The following FRMD6 variants were observed in gnomAD, a reference collection of about 807,000 sequenced individuals.
FRMD6 encodes the protein FERM domain-containing protein 6.
A neutral mutation model predicts 73.2 loss-of-function variants in FRMD6; 37 were observed. The observed-to-expected ratio is 0.51, with a 90% CI of 0.39 to 0.66. FRMD6 has a LOEUF of 0.66. Among genes scored for constraint, FRMD6 ranks in the 30% least tolerant of loss-of-function variants. The pLI is 0.00. For synonymous variants in FRMD6, 273 were observed against 282.2 expected, an observed-to-expected ratio of 0.97 and a Z score of 0.33; for missense variants, 714 against 780.5, an observed-to-expected ratio of 0.91 and a Z score of 1.02.
At chr14:51,596,099 A>G (rs1159738586) in intron 2 of FRMD6, among the ~76,000 whole-genome samples, 1 of 152,212 alleles carries the variant, frequency 6.6e-6, no homozygotes, top group Admixed American at 6.5e-5. Context: ...TTTTTGATTA[A>G]AAAGCAGCAA....
intron 13 of FRMD6, among the ~76,000 whole-genome samples, chr14:51,726,667 G>A (rs1897973184): frequency 1.3e-5 from 2 of 152,116 alleles, no homozygotes; most frequent in African/African-American, 4.8e-5. Context: ...AGATGTTTCT[G>A]GGGCACAGCT....
At chr14:51,634,608 A>G (rs1391890010) in intron 2 of FRMD6, among the ~76,000 whole-genome samples, 1 of 152,216 alleles carries the variant, frequency 6.6e-6, no homozygotes, top group Non-Finnish European at 1.5e-5. Flanking sequence ...GTCTATAAAA[A>G]AGGAAAAAAA....
At chr14:51,458,867 A>G in the FRMD6 span, among the ~76,000 whole-genome samples, 4 of 152,314 alleles carry the variant, frequency 2.6e-5, no homozygotes, top group East Asian at 5.8e-4. Flanking sequence ...GAAGGAGGGT[A>G]CTTACTAAAA....
the FRMD6 span, among the ~76,000 whole-genome samples, chr14:51,437,144 C>A: frequency 6.6e-6 from 1 of 152,106 alleles, no homozygotes; most frequent in Non-Finnish European, 1.5e-5. Context: ...CGGGCCCCCA[C>A]CCCCCGACAG....
chr14:51,417,136 C>T, the FRMD6 span, among the ~76,000 whole-genome samples: 1 of 152,132 alleles, frequency 6.6e-6, no homozygotes, highest in South Asian at 2.1e-4. Flanking sequence ...TTAATTGAGG[C>T]ATTTAGCCCA....
chr14:51,436,398 A>G, the FRMD6 span: 1 of 459,090 alleles, frequency 2.2e-6, no homozygotes, highest in Non-Finnish European at 4.2e-6. Context: ...TTACTTGACC[A>G]GAGTCGAAGT....
rs1430431995 is a variant in FRMD6, at chr14:51,721,971, C to A, written c.1383C>A (p.Asp461Glu). Residue 461 changes from aspartate to glutamate, a missense_variant, in exon 12 of 14, where the codon GAC becomes GAA. Transcript: ENST00000344768. ...CAGAAATAGAGATGTTGGTTGATGA[C>A]CCCCGGGATCTGGAGCAGATGAATG... is the stretch of plus-strand genomic sequence containing the variant. ...QDDEIEMLVD[D>E]PRDLEQMNEE... 1.9e-6 allele frequency: 3 copies of A among 1,613,842 alleles called. No homozygotes were observed. In the Admixed American group the frequency reaches 5.0e-5, roughly 27 times the overall value.
chr14:51,410,563 T>A, the FRMD6 span, among the ~76,000 whole-genome samples: 1 of 152,212 alleles, frequency 6.6e-6, no homozygotes, highest in African/African-American at 2.4e-5. Flanking sequence ...TGTCCCTTAA[T>A]AAAAATAGCT....
At chr14:51,661,217 C>G (rs776445111) in intron 1 of FRMD6, among the ~76,000 whole-genome samples, 1 of 152,124 alleles carries the variant, frequency 6.6e-6, no homozygotes, top group Non-Finnish European at 1.5e-5. Context: ...GGTGAGATCA[C>G]TTGGGGAATA....
intron 1 of FRMD6, among the ~76,000 whole-genome samples, chr14:51,654,877 G>A (rs1411458746): frequency 6.6e-6 from 1 of 151,866 alleles, no homozygotes; most frequent in Non-Finnish European, 1.5e-5. Flanking sequence ...GTACATTTTT[G>A]CATTTTTCTG....
chr14:51,719,767 A>C (rs547180450), intron 10 of FRMD6, among the ~76,000 whole-genome samples: 1 of 152,296 alleles, frequency 6.6e-6, no homozygotes, highest in South Asian at 2.1e-4. Context: ...TGGACCAATA[A>C]ATTTGCAGAC....
chr14:51,702,548 T>G lies in FRMD6; in HGVS notation c.331T>G (p.Phe111Val). The change falls in exon 5 of 14, where the codon TTC (phenylalanine) becomes GTC (valine). Residue 111 changes from phenylalanine to valine, a missense_variant. Physicochemically the swap from Phe to Val is conservative, Grantham distance 50 (BLOSUM62 -1). Transcript: ENST00000344768. Reference protein sequence around the residue: ...DQFGPPMIIHFRVQYYVENGR... With the variant: ...DQFGPPMIIHVRVQYYVENGR... The stretch of plus-strand genomic sequence containing the variant: ...ATTTGGGCCTCCTATGATCATCCAC[T>G]TCCGTGTGCAGTACTATGTGGAAAA... 1 of 1,611,984 alleles carries G rather than the reference T, an allele frequency of 6.2e-7. No individual in the cohort carries two copies. Among genetic ancestry groups the G allele is most frequent in the Non-Finnish European group, 8.5e-7 (1 of 1,178,476 alleles).
At chr14:51,618,301 A>G (rs1765800932) in intron 2 of FRMD6, among the ~76,000 whole-genome samples, 1 of 152,194 alleles carries the variant, frequency 6.6e-6, no homozygotes, top group Non-Finnish European at 1.5e-5. Flanking sequence ...ATCACTTTCA[A>G]TACCAAAAGA....
At chr14:51,617,864 T>C (rs1247817678) in intron 2 of FRMD6, among the ~76,000 whole-genome samples, 2 of 152,292 alleles carry the variant, frequency 1.3e-5, no homozygotes, top group East Asian at 3.9e-4. Context: ...ATATGTACCT[T>C]AATTTAGGGG....
chr14:51,415,586 T>G, the FRMD6 span, among the ~76,000 whole-genome samples: 1 of 152,368 alleles, frequency 6.6e-6, no homozygotes, highest in East Asian at 1.9e-4. Context: ...TGCATTGATG[T>G]TCATCAGGGA....
chr14:51,472,449 A>G, the FRMD6 span, among the ~76,000 whole-genome samples: 12 of 152,154 alleles, frequency 7.9e-5, no homozygotes, highest in East Asian at 7.7e-4. Flanking sequence ...GACTACAGGC[A>G]CCTGCCACCA....
chr14:51,463,005 T>A, the FRMD6 span, among the ~76,000 whole-genome samples: 1 of 152,190 alleles, frequency 6.6e-6, no homozygotes, highest in Non-Finnish European at 1.5e-5. Flanking sequence ...TAGATTGTTA[T>A]AAAAATAAAA....
At chr14:51,504,993 T>C (rs934465520) in intron 1 of FRMD6, among the ~76,000 whole-genome samples, 26 of 152,188 alleles carry the variant, frequency 1.7e-4, no homozygotes, top group African/African-American at 6.3e-4. Context: ...CATCTGGCCC[T>C]TGGGAAAGAC....
the FRMD6 span, among the ~76,000 whole-genome samples, chr14:51,429,793 A>T: frequency 5.3e-5 from 8 of 152,308 alleles, no homozygotes; most frequent in South Asian, 1.7e-3. Context: ...CTTGTCTCTC[A>T]GTTCCCTTTC....
Sources: gnomAD v4.1 joint callset for allele counts (sites outside exome capture counted in the v4.1 genomes callset) on GRCh38, gnomAD v4.1.1 for gene constraint, MANE v1.5 for transcripts, NCBI Gene and HGNC (gene_info 2026-07-23, HGNC 2026-07-21) for gene names.